The following RSPH9 variants were observed in gnomAD, a reference collection of about 807,000 sequenced individuals.
RSPH9 encodes radial spoke head protein 9 homolog.
A neutral mutation model predicts 27.0 loss-of-function variants in RSPH9; 27 were observed. The observed-to-expected ratio is 1.00, with a 90% confidence interval of 0.74 to 1.38. The LOEUF (loss-of-function observed/expected upper bound fraction) is 1.38, where lower values mean the gene tolerates loss of function less well. Among genes scored for constraint, RSPH9 ranks in the 40% most tolerant of loss-of-function variants. RSPH9 has a pLI of 0.00. For missense variants in RSPH9, 347 were observed against 357.4 expected (o/e 0.97, Z 0.24); for synonymous variants, 145 against 147.7 (o/e 0.98, Z 0.13).
rs930806409 is a variant in RSPH9, at chr6:43,655,662, G to A, written c.494G>A (p.Gly165Glu). The A allele has an allele frequency of 1.9e-6, 3 of 1,614,102 alleles. No homozygotes were observed. Among genetic ancestry groups the A allele is most frequent in the Non-Finnish European group, 2.5e-6 (3 of 1,180,044 alleles). Residue 165 changes from glycine (G) to glutamate (E), a missense_variant, in exon 3 of 5, where the codon GGA (glycine) becomes GAA (glutamate). Coordinates refer to ENST00000372163, the MANE Select transcript of RSPH9 (RefSeq NM_152732.5). ...PRGALFKTPF[G>E]PTHVNRTFEG... is the part of the protein sequence containing the mutation. ...GGCGCCCTCTTCAAGACCCCTTTTG[G>A]ACCCACCCATGTCAATCGGACCTTT...
At chr6:43,659,819 G>A (rs889809465) in intron 4 of RSPH9, among the ~76,000 whole-genome samples, 2 of 151,548 alleles carry the variant, frequency 1.3e-5, no homozygotes, top group Admixed American at 6.6e-5. Context: ...TGCAAGCTCC[G>A]CCTCCCGGGT....
Position 43,672,222 on chromosome 6 carries a change from GAGC to G in RSPH9, c.*1276_*1278del, listed in dbSNP as rs1332955397. 1 of 457,336 alleles carries G rather than the reference GAGC, an allele frequency of 2.2e-6. No individual in the cohort carries two copies. The highest frequency in any genetic ancestry group is 4.7e-5 in the East Asian group (1 of 21,178). 28.3% of individuals were successfully genotyped at this position (457,336 alleles called of 1,614,324 possible). ...AAAGGTGGCGAAGAGGCTGCCTGAA[GAGC>G]AGATCATTCCTCTCTGGCCTCAGCC... On this transcript the variant is annotated 3_prime_UTR_variant, in exon 5 of 5. Transcript: ENST00000372163.
chr6:43,651,887 ATGTGTACTTG>A (rs2127895614), intron 2 of RSPH9, among the ~76,000 whole-genome samples: 1 of 152,230 alleles, frequency 6.6e-6, no homozygotes, highest in East Asian at 1.9e-4. Context: ...GTGTGTACAT[ATGTGTACTTG>A]TGTGTCTAAA....
At chr6:43,670,696 C>A in intron 4 of RSPH9, 93 bp from the exon 5 acceptor site, 2 of 1,107,362 alleles carry the variant, frequency 1.8e-6, no homozygotes, top group South Asian at 1.3e-5. Flanking sequence ...AGCACCTGGG[C>A]CTGGCTGCCC....
chr6:43,669,489 G>T (rs1019167906), intron 4 of RSPH9, among the ~76,000 whole-genome samples: 4 of 152,232 alleles, frequency 2.6e-5, no homozygotes, highest in Admixed American at 1.3e-4. Context: ...GGTGTGGAGT[G>T]ACTAGGGTGA....
intron 1 of RSPH9, among the ~76,000 whole-genome samples, chr6:43,648,651 G>A (rs886810081): frequency 6.6e-6 from 1 of 152,170 alleles, no homozygotes; most frequent in African/African-American, 2.4e-5. Context: ...TGAACAGTTG[G>A]GTGGGGACTA....
At chr6:43,647,226 G>A (rs1253817086) in intron 1 of RSPH9, among the ~76,000 whole-genome samples, 1 of 152,204 alleles carries the variant, frequency 6.6e-6, no homozygotes, top group Non-Finnish European at 1.5e-5. Context: ...GTTGGCTGGG[G>A]AAGTCTCAGA....
At position 43,672,422 on chromosome 6, in the gene RSPH9, G is replaced by C. The variant is rs752346385; in HGVS notation, c.*1473G>C. 6.4e-6 allele frequency: 3 copies of C among 471,150 alleles called. No individual in the cohort carries two copies. Among genetic ancestry groups the C allele is most frequent in the South Asian group, 4.6e-5 (3 of 64,564 alleles). The allele number at this position is 471,150 out of a possible 1,614,324, so 29.2% of individuals were successfully genotyped here. A position where few individuals can be genotyped will look rare whatever the true frequency, so the allele number is the denominator to read the frequency against. On this transcript the variant is annotated 3_prime_UTR_variant, in exon 5 of 5. Coordinates refer to ENST00000372163, the MANE Select transcript of RSPH9 (RefSeq NM_152732.5). Reference sequence around the variant, plus strand: ...AATCAAGGGGTAAGGGCCCGTGGGCGCAGCCCTAGCCTAGGAAGGTTCCTG... The same window carrying C: ...AATCAAGGGGTAAGGGCCCGTGGGCCCAGCCCTAGCCTAGGAAGGTTCCTG...
At chr6:43,665,577 C>A (rs1773056370) in intron 4 of RSPH9, among the ~76,000 whole-genome samples, 1 of 152,156 alleles carries the variant, frequency 6.6e-6, no homozygotes, top group East Asian at 1.9e-4. Flanking sequence ...TGACCCAAGG[C>A]CCTAGGCATC....
intron 1 of RSPH9, among the ~76,000 whole-genome samples, chr6:43,647,027 C>A (rs1010629332): frequency 4.0e-5 from 6 of 151,570 alleles, no homozygotes; most frequent in Non-Finnish European, 5.9e-5. Context: ...CCCAGCTACT[C>A]GGTAGGCTGA....
intron 1 of RSPH9, 72 bp from the exon 2 acceptor site, chr6:43,650,303 G>A: frequency 6.4e-7 from 1 of 1,567,472 alleles, no homozygotes; most frequent in Non-Finnish European, 8.7e-7. Flanking sequence ...CCACTAGACA[G>A]AAGGGAAGAT....
intron 2 of RSPH9, among the ~76,000 whole-genome samples, chr6:43,651,994 T>A (rs573010986): frequency 2.8e-4 from 42 of 152,068 alleles, no homozygotes; most frequent in African/African-American, 9.4e-4. Context: ...CAGCATCAGG[T>A]ATCTGCCTTC....
Position 43,672,043 on chromosome 6 carries a change from C to T in RSPH9, c.*1094C>T. On this transcript the variant is annotated 3_prime_UTR_variant, in exon 5 of 5. Coordinates refer to ENST00000372163, the MANE Select transcript of RSPH9 (RefSeq NM_152732.5). ...TCACCAGTTTCCCTTTCCTGAAGTGCAGGGATTTTCCTGGGAGTAACTGCT... is the reference window on the plus strand; with the variant it reads ...TCACCAGTTTCCCTTTCCTGAAGTGTAGGGATTTTCCTGGGAGTAACTGCT... 2 of 1,071,436 alleles carry T rather than the reference C, an allele frequency of 1.9e-6. No individual in the cohort carries two copies. The highest frequency in any genetic ancestry group is 2.6e-5 in the East Asian group (1 of 38,204). The allele number at this position is 1,071,436 out of a possible 1,614,324, so 66.4% of individuals were successfully genotyped here. A position where few individuals can be genotyped will look rare whatever the true frequency, so the allele number is the denominator to read the frequency against.
intron 4 of RSPH9, among the ~76,000 whole-genome samples, chr6:43,667,203 A>G (rs1187452966): frequency 6.6e-6 from 1 of 152,218 alleles, no homozygotes; most frequent in African/African-American, 2.4e-5. Context: ...ATCAAATGAA[A>G]CAGAGGATGG....
intron 4 of RSPH9, among the ~76,000 whole-genome samples, chr6:43,664,026 C>CA (rs113232047): frequency 0.2 from 25,338 of 127,472 alleles, 4,201 homozygotes; most frequent in African/African-American, 0.48. Context: ...GAGAATGTCT[C>CA]GAAAAAAAAA....
intron 4 of RSPH9, among the ~76,000 whole-genome samples, chr6:43,669,372 T>C (rs945154236): frequency 6.6e-6 from 1 of 152,126 alleles, no homozygotes; most frequent in East Asian, 1.9e-4. Flanking sequence ...GGCTGCACCC[T>C]GAGTAAGGGT....
intron 4 of RSPH9, among the ~76,000 whole-genome samples, chr6:43,664,548 G>A (rs1224082959): frequency 6.6e-6 from 1 of 152,214 alleles, no homozygotes; most frequent in East Asian, 1.9e-4. Flanking sequence ...GCGAGACAGG[G>A]CAAGGCAAAC....
chr6:43,672,123 A>C lies in RSPH9; in HGVS notation c.*1174A>C. ...CTTGCTGCCGCAAGCCTGTGTGGCCAGGTTCAGGCAGCCCAGGGCCACAAG... is the reference window on the plus strand; with the variant it reads ...CTTGCTGCCGCAAGCCTGTGTGGCCCGGTTCAGGCAGCCCAGGGCCACAAG... On this transcript the variant is annotated 3_prime_UTR_variant, in exon 5 of 5. Transcript: ENST00000372163. 2 of 606,346 alleles carry C rather than the reference A, an allele frequency of 3.3e-6. No homozygotes were observed. Among genetic ancestry groups the C allele is most frequent in the South Asian group, 4.1e-5 (2 of 49,078 alleles). 37.6% of individuals were successfully genotyped at this position (606,346 alleles called of 1,614,324 possible).
chr6:43,646,217 C>T (rs1770847242), intron 1 of RSPH9, among the ~76,000 whole-genome samples: 1 of 152,128 alleles, frequency 6.6e-6, no homozygotes, highest in African/African-American at 2.4e-5. Flanking sequence ...CTGCAAGCTC[C>T]GCCTCCTGGG....
Sources: allele counts gnomAD v4.1 joint callset (sites outside exome capture counted in the v4.1 genomes callset), GRCh38; gene constraint gnomAD v4.1.1; transcripts MANE v1.5; gene names NCBI Gene and HGNC (gene_info 2026-07-23, HGNC 2026-07-21).